Variants in GRM4 observed in about 807,000 individuals in gnomAD.
The protein encoded by GRM4 is glutamate metabotropic receptor 4.
Under a neutral mutation model 81.7 loss-of-function variants are expected in GRM4, and 28 were observed. That is an observed-to-expected ratio of 0.34 (90% CI 0.25 to 0.47). GRM4 has a LOEUF of 0.47. Ranked by LOEUF, GRM4 falls within the 20% of genes least tolerant of loss-of-function variation. The pLI is 1.00. For synonymous variants in GRM4, 488 were observed against 528.8 expected (o/e 0.92, Z 1.06); for missense variants, 948 against 1,290.0 (o/e 0.73, Z 4.06).
exon 1 of GRM4, chr6:34,155,490 CCT>C: frequency 2.7e-6 from 2 of 754,218 alleles, no homozygotes; most frequent in South Asian, 4.3e-5. Flanking sequence ...TTAAAATTTC[CCT>C]GTGTCCAGGC....
In GRM4 at chr6:34,039,819, C is replaced by G. The variant is rs567692603; in HGVS notation, c.1506+359G>C. On this transcript the variant is annotated intron_variant, in intron 8 of 10. Transcript: ENST00000538487. ...CCTCACCTTATTCCCCCATGCCCCC[C>G]CCATCACCCCCCACTTGCCCACCCA... Among the ~76,000 whole-genome samples the G allele has an allele frequency of 1.4e-4, 21 of 151,958 alleles. No individual in the cohort carries two copies. In the East Asian group the frequency reaches 3.5e-3, roughly 25 times the overall value.
Position 34,151,323 on chromosome 6 carries a change from CTT to C in GRM4, c.312+3754_312+3755del, listed in dbSNP as rs540246896. On this transcript the variant is annotated intron_variant, in intron 1 of 8. Transcript: ENST00000374177. ...ACTCTTTCTCCTCCTCCTTCTCTCT[CTT>C]GGTCCTCTCCCTGTCTCTTTTTTCT... Among the ~76,000 whole-genome samples, 259 of 152,324 alleles carry C rather than the reference CTT, an allele frequency of 1.7e-3. 1 individual carries two copies. Among genetic ancestry groups the C allele is most frequent in the African/African-American group, 5.8e-3 (243 of 41,566 alleles).
In GRM4 at chr6:34,120,742, G is replaced by A. The variant is rs184205395; in HGVS notation, c.519+12236C>T. 1.3e-3 allele frequency among the ~76,000 whole-genome samples: 205 copies of A among 152,138 alleles called. 2 individuals carry two copies. The Middle Eastern group carries it at 0.031, about 23-fold the overall frequency. The stretch of plus-strand genomic sequence containing the variant: ...CACATCATGCCCTCTCTCAGGGCGC[G>A]CCACAACACCTGGCCAAATTTTTCT... On this transcript the variant is annotated intron_variant, in intron 2 of 10. Transcript: ENST00000538487.
rs1036483586 is a variant in GRM4 at position 34,080,104 on chromosome 6, C to A, written c.736+11779G>T. Among the ~76,000 whole-genome samples, 2 of 152,228 alleles carry A rather than the reference C, an allele frequency of 1.3e-5. No individual in the cohort carries two copies. Among genetic ancestry groups the A allele is most frequent in the East Asian group, 3.8e-4 (2 of 5,202 alleles). The stretch of plus-strand genomic sequence containing the variant: ...TTATTCTCCAAATGCCGGGCAGGCA[C>A]CACCTCAGGGCCTTTGCACATGCCA... On this transcript the variant is annotated intron_variant, in intron 3 of 10. Transcript: ENST00000538487. The surrounding 1 kb of genome is among the most constrained non-coding windows in gnomAD (Gnocchi z 5.4).
At chr6:34,032,225 A>G (rs115198111) in intron 9 of GRM4, among the ~76,000 whole-genome samples, 1,657 of 152,178 alleles carry the variant, frequency 0.011, 28 homozygotes, top group African/African-American at 0.038. Flanking sequence ...CTGCATGCAC[A>G]TGGGCACACA....
chr6:34,074,348 G>A lies in GRM4; in HGVS notation c.737-12320C>T, dbSNP rs1430869786. 2.6e-5 allele frequency among the ~76,000 whole-genome samples: 4 copies of A among 152,232 alleles called. No individual in the cohort carries two copies. The highest frequency in any genetic ancestry group is 2.1e-4 in the South Asian group (1 of 4,820). ...GCAGGGTTGCGGTGAGGATTAGAGC[G>A]GATTGCCCGTGGACAGGGTCAGCCC... is the stretch of plus-strand genomic sequence containing the variant. On this transcript the variant is annotated intron_variant, in intron 3 of 10. Transcript: ENST00000538487. The surrounding 1 kb of genome is among the most constrained non-coding windows in gnomAD (Gnocchi z 4.9).
Position 34,074,530 on chromosome 6 carries a change from C to A in GRM4, c.737-12502G>T, listed in dbSNP as rs1439251555. On this transcript the variant is annotated intron_variant, in intron 3 of 10. Transcript: ENST00000538487. This position sits in a 1 kb window ranked among gnomAD's most constrained non-coding sequence, Gnocchi z 4.9. ...GTGGCTCAGAGCTGAGCCCTGCCGT[C>A]CCCTGCCAGGAGAGGAGGCTGCTGG... Among the ~76,000 whole-genome samples the A allele has an allele frequency of 7.2e-6, 1 of 139,212 alleles. No individual in the cohort carries two copies. Among genetic ancestry groups the A allele is most frequent in the East Asian group, 2.1e-4 (1 of 4,848 alleles). 91.3% of individuals were successfully genotyped at this position (139,212 alleles called of 152,430 possible).
At chr6:34,128,248 C>T (rs1029636749) in intron 2 of GRM4, among the ~76,000 whole-genome samples, 1 of 152,226 alleles carries the variant, frequency 6.6e-6, no homozygotes, top group African/African-American at 2.4e-5. Context: ...CATCCTCTTC[C>T]GCATCGCCGG....
At position 34,121,663 on chromosome 6, in the gene GRM4, G is replaced by A. The variant is rs1769818261; in HGVS notation, c.519+11315C>T. Among the ~76,000 whole-genome samples, 1 of 152,294 alleles carries A rather than the reference G, an allele frequency of 6.6e-6. No homozygotes were observed. Among genetic ancestry groups the A allele is most frequent in the Non-Finnish European group, 1.5e-5 (1 of 68,022 alleles). On this transcript the variant is annotated intron_variant, in intron 2 of 10. Coordinates refer to ENST00000538487, the MANE Select transcript of GRM4 (RefSeq NM_000841.4). The surrounding 1 kb of genome is among the most constrained non-coding windows in gnomAD (Gnocchi z 4.6). ...CCTCTGCTGGGCCAGGGCCAGGGCT[G>A]AGCAGAGCATCCCTCCTCCTGGGGC...
rs148714587 is a variant in GRM4 at position 34,099,642 on chromosome 6, G to A, written c.520-7543C>T. Among the ~76,000 whole-genome samples the A allele has an allele frequency of 3.0e-3, 459 of 152,294 alleles. 3 individuals carry two copies. The highest frequency in any genetic ancestry group is 0.011 in the African/African-American group (437 of 41,568). On this transcript the variant is annotated intron_variant, in intron 2 of 10. Coordinates refer to ENST00000538487, the MANE Select transcript of GRM4 (RefSeq NM_000841.4). Reference sequence around the variant, plus strand: ...CGCACCGCTGGGTTCAGGAGCAGAAGGTTAGAGTGACCCAGACAGCTTGGG... The same window carrying A: ...CGCACCGCTGGGTTCAGGAGCAGAAAGTTAGAGTGACCCAGACAGCTTGGG...
chr6:34,028,200 G>A lies in GRM4; in HGVS notation c.2609C>T (p.Ser870Phe). 1 of 1,614,036 alleles carries A rather than the reference G, an allele frequency of 6.2e-7. No individual in the cohort carries two copies. Among genetic ancestry groups the A allele is most frequent in the Non-Finnish European group, 8.5e-7 (1 of 1,180,020 alleles). Residue 870 changes from serine (S) to phenylalanine (F), a missense_variant, in exon 10 of 11, where the codon TCC becomes TTC. Ser to Phe is a radical substitution (Grantham distance 155). Transcript: ENST00000538487. Reference protein sequence around the residue: ...LKAVVTAATMSNKFTQKGNFR... With the variant: ...LKAVVTAATMFNKFTQKGNFR... The stretch of plus-strand genomic sequence containing the variant: ...GTTGCCCTTCTGCGTGAACTTGTTG[G>A]ACATGGTGGCCGCCGTAACGACGGC...
At chr6:34,145,447 C>T (rs1407324637) in intron 1 of GRM4, among the ~76,000 whole-genome samples, 1 of 152,174 alleles carries the variant, frequency 6.6e-6, no homozygotes. Flanking sequence ...CTGGGTCTGG[C>T]CGAGAGCTCC....
rs1764652054 is a variant in GRM4, at chr6:34,035,653, GC to G, written c.2442+14del. 2 of 1,493,856 alleles carry G rather than the reference GC, an allele frequency of 1.3e-6. No homozygotes were observed. The highest frequency in any genetic ancestry group is 1.8e-4 in the Middle Eastern group (1 of 5,624). 92.5% of individuals were successfully genotyped at this position (1,493,856 alleles called of 1,614,324 possible). A position where few individuals can be genotyped will look rare whatever the true frequency, so the allele number is the denominator to read the frequency against. On this transcript the variant is annotated intron_variant, in intron 9 of 10. Coordinates refer to ENST00000538487, the MANE Select transcript of GRM4 (RefSeq NM_000841.4). This position sits in a 1 kb window ranked among gnomAD's most constrained non-coding sequence, Gnocchi z 6.6. ...CTCACCTACCCACCGTCCACCCCCG[GC>G]CCCCACCACTCACCTTGTCGGCCGA... is the stretch of plus-strand genomic sequence containing the variant.
chr6:34,095,975 G>A (rs974656421), intron 2 of GRM4, among the ~76,000 whole-genome samples: 3 of 152,206 alleles, frequency 2.0e-5, no homozygotes, highest in South Asian at 2.1e-4. Flanking sequence ...CGAGCAGGAG[G>A]GGGACGTGCA....
intron 6 of GRM4, among the ~76,000 whole-genome samples, chr6:34,045,306 C>T (rs1485789256): frequency 2.0e-5 from 3 of 152,244 alleles, no homozygotes; most frequent in African/African-American, 7.2e-5. Flanking sequence ...GCAGCCGTGG[C>T]TCATGCTTAC....
chr6:34,143,695 C>T lies in GRM4; in HGVS notation c.-364+2305G>A, dbSNP rs147775935. 7.9e-5 allele frequency among the ~76,000 whole-genome samples: 12 copies of T among 152,338 alleles called. No individual in the cohort carries two copies. The East Asian group carries it at 1.9e-3, about 24-fold the overall frequency. On this transcript the variant is annotated intron_variant, in intron 1 of 10. Coordinates refer to ENST00000538487, the MANE Select transcript of GRM4 (RefSeq NM_000841.4). ...AAAGTGGGGCTAGCCCAGGACGCAT[C>T]CCGGGAGTGTGGGCAGATGGGTATG...
At chr6:34,030,345 G>A (rs1218169123) in intron 9 of GRM4, among the ~76,000 whole-genome samples, 1 of 152,192 alleles carries the variant, frequency 6.6e-6, no homozygotes, top group East Asian at 1.9e-4. Context: ...TTGTGTCCCA[G>A]GTAAGACACC....
intron 1 of GRM4, among the ~76,000 whole-genome samples, chr6:34,139,600 G>C (rs575523106): frequency 6.6e-6 from 1 of 152,266 alleles, no homozygotes; most frequent in African/African-American, 2.4e-5. Context: ...TGACCAGGCT[G>C]GGAGCACATT....
At chr6:34,140,523 C>G (rs550777579) in intron 1 of GRM4, among the ~76,000 whole-genome samples, 12 of 152,152 alleles carry the variant, frequency 7.9e-5, no homozygotes, top group Non-Finnish European at 1.6e-4. Flanking sequence ...CAAGTCCCAT[C>G]GACAAGGCAA....
Sources: gnomAD v4.1 joint callset for allele counts (sites outside exome capture counted in the v4.1 genomes callset) on GRCh38, gnomAD v4.1.1 for gene constraint, Gnocchi (gnomAD v3.1) non-coding constraint, MANE v1.5 for transcripts, NCBI Gene and HGNC (gene_info 2026-07-23, HGNC 2026-07-21) for gene names.